Variants in SOX6 observed in about 807,000 individuals in gnomAD.
SOX6 encodes SRY-box transcription factor 6.
In SOX6, 11 loss-of-function variants were observed where a neutral mutation model predicts 97.8. The ratio of observed to expected loss-of-function variants is 0.11; its 90% CI spans 0.07 to 0.19. SOX6 has a LOEUF of 0.19. Ranked by LOEUF, SOX6 falls within the 10% of genes least tolerant of loss-of-function variation. The pLI is 1.00. For missense variants in SOX6, 810 were observed against 1,039.5 expected (o/e 0.78, Z 3.04); for synonymous variants, 360 against 371.4 (o/e 0.97, Z 0.35).
At chr11:16,284,017 G>C in intron 3 of SOX6, 1 of 269,250 alleles carries the variant, frequency 3.7e-6, no homozygotes, top group Non-Finnish European at 7.2e-6. Context: ...TAATGAGATA[G>C]AATACTTCTT....
chr11:16,128,981 C>T (rs570675719), intron 6 of SOX6, among the ~76,000 whole-genome samples: 11 of 152,070 alleles, frequency 7.2e-5, no homozygotes, highest in Non-Finnish European at 1.3e-4. Context: ...CTGTCTCAGC[C>T]TCCTGAGTAG....
chr11:16,688,272 A>C (rs928558554), intron 3 of SOX6, among the ~76,000 whole-genome samples: 3 of 152,160 alleles, frequency 2.0e-5, no homozygotes, highest in Non-Finnish European at 4.4e-5. Context: ...GGTTGGCTTT[A>C]ATAAATTTTT....
chr11:16,057,577 T>C (rs1847850007), intron 9 of SOX6, among the ~76,000 whole-genome samples: 1 of 152,176 alleles, frequency 6.6e-6, no homozygotes, highest in South Asian at 2.1e-4. Context: ...GCCTACCTAC[T>C]GCAGATCTAT....
At chr11:15,974,013 C>T (rs1853390383) in intron 15 of SOX6, among the ~76,000 whole-genome samples, 2 of 152,202 alleles carry the variant, frequency 1.3e-5, no homozygotes, top group South Asian at 2.1e-4. Context: ...GAAACATCTA[C>T]CTAACTCAGA....
intron 3 of SOX6, among the ~76,000 whole-genome samples, chr11:16,257,058 G>A (rs1268743601): frequency 6.6e-6 from 1 of 151,740 alleles, no homozygotes; most frequent in Non-Finnish European, 1.5e-5. Context: ...AAGATATTAA[G>A]GAAGAACTAA....
chr11:16,213,998 A>G (rs1462934778), intron 4 of SOX6, among the ~76,000 whole-genome samples: 3 of 152,218 alleles, frequency 2.0e-5, no homozygotes, highest in Admixed American at 6.5e-5. Flanking sequence ...CTATTATAAT[A>G]TAGAAGAACA....
chr11:16,508,189 A>G (rs1448286540), intron 4 of SOX6, among the ~76,000 whole-genome samples: 1 of 152,198 alleles, frequency 6.6e-6, no homozygotes, highest in Non-Finnish European at 1.5e-5. Flanking sequence ...CAAAATCACA[A>G]TGAAATATCA....
chr11:16,473,555 T>G (rs1329767433), intron 1 of SOX6, among the ~76,000 whole-genome samples: 1 of 99,840 alleles, frequency 1.0e-5, no homozygotes, highest in Non-Finnish European at 2.2e-5. Context: ...ACAATTCCTT[T>G]TTTTTTTTTT....
chr11:16,524,245 C>A (rs1048681952), intron 4 of SOX6, among the ~76,000 whole-genome samples: 1 of 151,752 alleles, frequency 6.6e-6, no homozygotes, highest in Non-Finnish European at 1.5e-5. Flanking sequence ...TACTGGCAAA[C>A]CGAATCCAGC....
At chr11:16,721,506 C>G (rs112084699) in intron 2 of SOX6, among the ~76,000 whole-genome samples, 704 of 13,614 alleles carry the variant, frequency 0.052, 11 homozygotes, top group African/African-American at 0.18. Flanking sequence ...TTCTGTCTCT[C>G]TCTCTCTCTC....
At chr11:16,489,636 A>G (rs1258220703) in intron 4 of SOX6, among the ~76,000 whole-genome samples, 1 of 152,136 alleles carries the variant, frequency 6.6e-6, no homozygotes, top group East Asian at 1.9e-4. Context: ...ATAAAATGCA[A>G]CACAGATTCA....
intron 9 of SOX6, among the ~76,000 whole-genome samples, chr11:16,077,052 C>T (rs965731613): frequency 1.6e-4 from 24 of 151,964 alleles, no homozygotes; most frequent in Non-Finnish European, 1.2e-4. Flanking sequence ...CGCGCCCGGC[C>T]GGTACTACAC....
chr11:16,618,019 C>A (rs1295890582), intron 3 of SOX6, among the ~76,000 whole-genome samples: 2 of 151,772 alleles, frequency 1.3e-5, no homozygotes, highest in Non-Finnish European at 3.0e-5. Flanking sequence ...GTAATTATTG[C>A]AAGAGATCCT....
intron 3 of SOX6, among the ~76,000 whole-genome samples, chr11:16,249,476 A>G (rs1260275413): frequency 6.6e-6 from 1 of 152,172 alleles, no homozygotes; most frequent in Non-Finnish European, 1.5e-5. Flanking sequence ...TTTTGGTCAA[A>G]GCCATTCAAC....
At chr11:16,254,347 A>G (rs1034795552) in intron 3 of SOX6, among the ~76,000 whole-genome samples, 14 of 152,120 alleles carry the variant, frequency 9.2e-5, no homozygotes, top group Admixed American at 8.5e-4. Context: ...TAATAGCATC[A>G]ATGTACTTGA....
chr11:16,566,888 G>T (rs1847878099), intron 4 of SOX6, among the ~76,000 whole-genome samples: 1 of 152,150 alleles, frequency 6.6e-6, no homozygotes, highest in Admixed American at 6.5e-5. Context: ...GTTCATAGGA[G>T]CACTATTCAC....
intron 4 of SOX6, among the ~76,000 whole-genome samples, chr11:16,524,371 C>T (rs1861121083): frequency 6.6e-6 from 1 of 151,912 alleles, no homozygotes; most frequent in Non-Finnish European, 1.5e-5. Context: ...GAACCAAAGA[C>T]AAAAACTACA....
intron 4 of SOX6, among the ~76,000 whole-genome samples, chr11:16,527,736 C>G (rs929562511): frequency 6.6e-6 from 1 of 152,110 alleles, no homozygotes; most frequent in Non-Finnish European, 1.5e-5. Flanking sequence ...CAGATAGGAG[C>G]TGCTCCTTCA....
intron 4 of SOX6, among the ~76,000 whole-genome samples, chr11:16,217,168 A>C (rs1852397602): frequency 6.6e-6 from 1 of 152,138 alleles, no homozygotes; most frequent in Non-Finnish European, 1.5e-5. Context: ...TACGGACATA[A>C]ACTTCAGGGT....
Sources: gnomAD v4.1 joint callset for allele counts (sites outside exome capture counted in the v4.1 genomes callset) on GRCh38, gnomAD v4.1.1 for gene constraint, MANE v1.5 for transcripts, NCBI Gene and HGNC (gene_info 2026-07-23, HGNC 2026-07-21) for gene names.